The following SH3GL2 variants were observed in gnomAD, a reference collection of about 807,000 sequenced individuals.
SH3GL2 encodes the protein endophilin-A1.
SH3GL2 carries 24 observed loss-of-function variants against 46.0 expected under a neutral mutation model. The ratio of observed to expected loss-of-function variants is 0.52; its 90% CI spans 0.38 to 0.73. The LOEUF is 0.73. Ranked by LOEUF, SH3GL2 falls within the 30% of genes least tolerant of loss-of-function variation. SH3GL2 has a pLI of 0.00. For missense variants in SH3GL2, 413 were observed against 424.2 expected (o/e 0.97, Z 0.23); for synonymous variants, 196 against 147.1 (o/e 1.33, Z -2.40).
chr9:17,602,983 G>A (rs1818697351), intron 1 of SH3GL2, among the ~76,000 whole-genome samples: 1 of 152,122 alleles, frequency 6.6e-6, no homozygotes, highest in African/African-American at 2.4e-5. Context: ...TTTAGTTGTA[G>A]CAAAGAGCCA....
chr9:17,767,870 G>C (rs776325070), intron 3 of SH3GL2, among the ~76,000 whole-genome samples: 1 of 152,158 alleles, frequency 6.6e-6, no homozygotes, highest in Non-Finnish European at 1.5e-5. Context: ...GTCAGGTGAT[G>C]GGTGATATAA....
chr9:17,670,680 A>G (rs1436534351), intron 1 of SH3GL2, among the ~76,000 whole-genome samples: 11 of 152,196 alleles, frequency 7.2e-5, no homozygotes, highest in Non-Finnish European at 1.5e-5. Context: ...TGGCTGGCAA[A>G]TTGTCATTTA....
intron 1 of SH3GL2, among the ~76,000 whole-genome samples, chr9:17,582,935 C>G (rs1042515948): frequency 1.4e-4 from 21 of 152,186 alleles, no homozygotes; most frequent in African/African-American, 3.9e-4. Context: ...CAAATTTCCC[C>G]ATTTTGTAAG....
intron 1 of SH3GL2, among the ~76,000 whole-genome samples, chr9:17,718,480 T>A (rs929179133): frequency 6.6e-6 from 1 of 152,136 alleles, no homozygotes; most frequent in Non-Finnish European, 1.5e-5. Context: ...TGCCACACTT[T>A]GGGACGCCAA....
In SH3GL2 at chr9:17,761,458, G is replaced by T; in HGVS notation, c.136G>T (p.Ala46Ser). 6.2e-7 allele frequency: 1 copy of T among 1,607,402 alleles called. No homozygotes were observed. Among genetic ancestry groups the T allele is most frequent in the Non-Finnish European group, 8.5e-7 (1 of 1,173,852 alleles). ...TCAGAAAGTGGATGTCACCAGCAGG[G>T]CTGTGATGGAAATAATGACTAAAAC... is the stretch of plus-strand genomic sequence containing the variant. ...MERKVDVTSR[A>S]VMEIMTKTIE... is the part of the protein sequence containing the mutation. Residue 46 changes from alanine (A) to serine (S), a missense_variant, in exon 3 of 9, where the codon GCT becomes TCT. Physicochemically the swap from Ala to Ser is moderately conservative, Grantham distance 99. Transcript: ENST00000380607.
intron 1 of SH3GL2, among the ~76,000 whole-genome samples, chr9:17,692,735 T>C (rs902857648): frequency 6.6e-6 from 1 of 152,082 alleles, no homozygotes; most frequent in Admixed American, 6.6e-5. Flanking sequence ...TATTACTGTA[T>C]TAGTTGGTTT....
chr9:17,632,562 A>G (rs1819456263), intron 1 of SH3GL2, among the ~76,000 whole-genome samples: 1 of 152,182 alleles, frequency 6.6e-6, no homozygotes, highest in African/African-American at 2.4e-5. Flanking sequence ...ATGATGTTAT[A>G]GGGAACATAT....
chr9:17,792,517 A>T (rs1476805349), intron 7 of SH3GL2, among the ~76,000 whole-genome samples: 1 of 152,204 alleles, frequency 6.6e-6, no homozygotes, highest in Non-Finnish European at 1.5e-5. Context: ...AGGGGTATGT[A>T]GAAGACAATT....
intron 3 of SH3GL2, among the ~76,000 whole-genome samples, chr9:17,781,856 T>A (rs908952274): frequency 6.6e-6 from 1 of 151,880 alleles, no homozygotes; most frequent in African/African-American, 2.4e-5. Context: ...CCAGCCTTAC[T>A]CTTTCAGGTG....
At chr9:17,719,871 C>T (rs1821849425) in intron 1 of SH3GL2, among the ~76,000 whole-genome samples, 1 of 150,544 alleles carries the variant, frequency 6.6e-6, no homozygotes, top group African/African-American at 2.4e-5. Flanking sequence ...ATCATTTCCA[C>T]ACTTGATTTC....
At chr9:17,761,735 G>A (rs1410966369) in intron 3 of SH3GL2, among the ~76,000 whole-genome samples, 2 of 152,124 alleles carry the variant, frequency 1.3e-5, no homozygotes, top group Non-Finnish European at 2.9e-5. Context: ...TCTGACTGTG[G>A]TATATTTAAC....
intron 1 of SH3GL2, among the ~76,000 whole-genome samples, chr9:17,618,391 A>G (rs1392035327): frequency 6.6e-6 from 1 of 152,170 alleles, no homozygotes; most frequent in Non-Finnish European, 1.5e-5. Flanking sequence ...TCATACATGG[A>G]GAGGAGCATA....
At chr9:17,732,961 C>G (rs1253811171) in intron 1 of SH3GL2, among the ~76,000 whole-genome samples, 1 of 152,124 alleles carries the variant, frequency 6.6e-6, no homozygotes, top group Non-Finnish European at 1.5e-5. Context: ...CTCTGTAACA[C>G]CTGGCTGTCT....
In SH3GL2 at chr9:17,691,741, C is replaced by T; in HGVS notation, c.46-55325C>T. ...ATTAAAAGCTAATTTGTACTATTCA[C>T]TAACAATATAGATTATAGATTTCCT... On this transcript the variant is annotated intron_variant, in intron 1 of 8. Transcript: ENST00000380607. Among the ~76,000 whole-genome samples the T allele has an allele frequency of 2.0e-5, 3 of 152,222 alleles. No individual in the cohort carries two copies. The South Asian group carries it at 6.2e-4, about 32-fold the overall frequency.
chr9:17,728,665 C>T (rs892001873), intron 1 of SH3GL2, among the ~76,000 whole-genome samples: 1 of 152,014 alleles, frequency 6.6e-6, no homozygotes, highest in Non-Finnish European at 1.5e-5. Flanking sequence ...GTGATGTTCC[C>T]CTTCCTGTGC....
At chr9:17,596,817 A>G (rs777975061) in intron 1 of SH3GL2, among the ~76,000 whole-genome samples, 8 of 152,194 alleles carry the variant, frequency 5.3e-5, no homozygotes, top group Non-Finnish European at 1.2e-4. Flanking sequence ...AGCCTCAGTA[A>G]TGAGATGGGC....
At chr9:17,620,696 AGAATTTATCAGACATGGTGATT>A (rs1205837437) in intron 1 of SH3GL2, among the ~76,000 whole-genome samples, 1 of 152,198 alleles carries the variant, frequency 6.6e-6, no homozygotes, top group African/African-American at 2.4e-5. Context: ...TTTTCAAGAT[AGAATTTATCAGACATGGTGATT>A]GAATGTGGAG....
intron 1 of SH3GL2, among the ~76,000 whole-genome samples, chr9:17,742,451 G>C (rs1327641749): frequency 6.6e-6 from 1 of 152,084 alleles, no homozygotes; most frequent in Non-Finnish European, 1.5e-5. Context: ...ACTACTGCAG[G>C]CTTAAAATTA....
chr9:17,640,716 T>C (rs1041422585), intron 1 of SH3GL2, among the ~76,000 whole-genome samples: 9 of 152,374 alleles, frequency 5.9e-5, no homozygotes, highest in African/African-American at 1.9e-4. Flanking sequence ...GGTCAGGGAA[T>C]GTTTTGAAAT....
Sources: gnomAD v4.1 joint callset for allele counts (sites outside exome capture counted in the v4.1 genomes callset) on GRCh38, gnomAD v4.1.1 for gene constraint, MANE v1.5 for transcripts, NCBI Gene and HGNC (gene_info 2026-07-23, HGNC 2026-07-21) for gene names.